Variants in PCDH9 observed in about 807,000 individuals in gnomAD.
PCDH9 encodes protocadherin 9, also known as protocadherin-9.
In PCDH9, 24 loss-of-function variants were observed where a neutral mutation model predicts 70.6. The ratio of observed to expected loss-of-function variants is 0.34; its 90% CI spans 0.25 to 0.48. PCDH9 has a LOEUF of 0.48. PCDH9 is among the 20% of genes least tolerant of loss of function. The pLI, the probability that PCDH9 is intolerant of heterozygous loss-of-function variation, is 0.99. For missense variants in PCDH9, 1,281 were observed against 1,503.6 expected, an observed-to-expected ratio of 0.85 and a Z score of 2.45; for synonymous variants, 562 against 558.5, an observed-to-expected ratio of 1.01 and a Z score of -0.09.
intron 4 of PCDH9, among the ~76,000 whole-genome samples, chr13:66,592,029 C>A (rs576042408): frequency 5.3e-5 from 8 of 151,602 alleles, no homozygotes; most frequent in Non-Finnish European, 1.2e-4. Context: ...TTCTACATCA[C>A]CCAGAGAGAC....
intron 2 of PCDH9, among the ~76,000 whole-genome samples, chr13:67,036,915 C>T (rs1381835342): frequency 2.0e-5 from 3 of 152,168 alleles, no homozygotes; most frequent in Non-Finnish European, 2.9e-5. Context: ...CCGGAGAAAG[C>T]GCCATTATCA....
At chr13:67,133,654 T>C (rs1050161834) in intron 2 of PCDH9, among the ~76,000 whole-genome samples, 3 of 152,084 alleles carry the variant, frequency 2.0e-5, no homozygotes, top group Non-Finnish European at 2.9e-5. Context: ...AAGAGGAGAA[T>C]TGGAACAAAC....
intron 3 of PCDH9, among the ~76,000 whole-genome samples, chr13:66,804,063 T>A (rs145676911): frequency 7.1e-4 from 108 of 152,298 alleles, no homozygotes; most frequent in African/African-American, 2.5e-3. Flanking sequence ...CTGGTTAAAA[T>A]CAATAAAATC....
chr13:66,520,608 T>A (rs1959946743), intron 4 of PCDH9, among the ~76,000 whole-genome samples: 1 of 152,206 alleles, frequency 6.6e-6, no homozygotes, highest in African/African-American at 2.4e-5. Context: ...ATTTAGCTGA[T>A]CCTTTCCAAT....
chr13:66,645,961 CT>C (rs1428038645), intron 3 of PCDH9, among the ~76,000 whole-genome samples: 1 of 152,168 alleles, frequency 6.6e-6, no homozygotes, highest in Non-Finnish European at 1.5e-5. Context: ...GGCCACTTGG[CT>C]TACACTGGGA....
intron 3 of PCDH9, among the ~76,000 whole-genome samples, chr13:66,738,183 C>G (rs2079188374): frequency 6.6e-6 from 1 of 152,114 alleles, no homozygotes; most frequent in East Asian, 2.0e-4. Flanking sequence ...GGTCCCTGAC[C>G]CCTGACCCCC....
intron 4 of PCDH9, among the ~76,000 whole-genome samples, chr13:66,519,588 T>C (rs1221822400): frequency 6.6e-6 from 1 of 152,138 alleles, no homozygotes; most frequent in Admixed American, 6.6e-5. Context: ...TAAGATTTTA[T>C]GAGTCTATGA....
chr13:66,779,872 T>TAC (rs1594050925), intron 3 of PCDH9, among the ~76,000 whole-genome samples: 1 of 66,538 alleles, frequency 1.5e-5, no homozygotes, highest in Admixed American at 2.1e-4. Context: ...TATATACATA[T>TAC]ATGTGTGTGT....
intron 3 of PCDH9, among the ~76,000 whole-genome samples, chr13:66,782,491 A>T (rs2080015118): frequency 6.6e-6 from 1 of 152,114 alleles, no homozygotes; most frequent in Admixed American, 6.6e-5. Context: ...GTCTAAACTG[A>T]GATATGTGCT....
intron 3 of PCDH9, among the ~76,000 whole-genome samples, chr13:66,871,250 A>G (rs1380481202): frequency 7.4e-6 from 1 of 134,414 alleles, no homozygotes; most frequent in Admixed American, 7.5e-5. Context: ...GGGTGGGGGG[A>G]TGGGGGAGGG....
intron 2 of PCDH9, among the ~76,000 whole-genome samples, chr13:67,178,764 G>A (rs1291534253): frequency 6.6e-6 from 1 of 152,002 alleles, no homozygotes; most frequent in African/African-American, 2.4e-5. Context: ...GTTAATGCTA[G>A]GAAACATTTG....
chr13:67,169,218 T>C (rs2088209399), intron 2 of PCDH9, among the ~76,000 whole-genome samples: 1 of 152,184 alleles, frequency 6.6e-6, no homozygotes, highest in African/African-American at 2.4e-5. Context: ...AGAGTGCAAA[T>C]ATGAAGCCAG....
Position 66,305,008 on chromosome 13 carries a change from C to G in PCDH9, c.3361G>C (p.Gly1121Arg), listed in dbSNP as rs753950672. The change falls in exon 5 of 5, where the codon GGA becomes CGA. Residue 1121 changes from glycine (G) to arginine (R), a missense_variant. Physicochemically the swap from Gly to Arg is moderately radical, Grantham distance 125. Coordinates refer to ENST00000377865, the MANE Select transcript of PCDH9 (RefSeq NM_203487.3). ...CACATCTCTGTAGCTTCAGCTAATC[C>G]TCGGGGACCCAAAGGCCCATCTGCA... ...PNSDGPLGPR[G>R]LAEATEMCTQ... 27 of 1,610,968 alleles carry G rather than the reference C, an allele frequency of 1.7e-5. No individual in the cohort carries two copies. The highest frequency in any genetic ancestry group is 2.0e-5 in the Non-Finnish European group (23 of 1,178,010).
chr13:66,550,636 T>C (rs938145365), intron 4 of PCDH9, among the ~76,000 whole-genome samples: 2 of 152,150 alleles, frequency 1.3e-5, no homozygotes, highest in Non-Finnish European at 2.9e-5. Flanking sequence ...GTGTCCTTGA[T>C]AGCACAGAGC....
chr13:66,791,753 T>C (rs1477879267), intron 3 of PCDH9, among the ~76,000 whole-genome samples: 1 of 152,182 alleles, frequency 6.6e-6, no homozygotes, highest in African/African-American at 2.4e-5. Context: ...TACTTTTGGA[T>C]TAATCTAATA....
At chr13:66,742,010 A>G (rs2079272531) in intron 3 of PCDH9, among the ~76,000 whole-genome samples, 1 of 136,526 alleles carries the variant, frequency 7.3e-6, no homozygotes, top group Admixed American at 7.6e-5. Context: ...TTCATATGGA[A>G]CCAAAAAAGA....
chr13:66,777,021 C>A (rs1018686729), intron 3 of PCDH9, among the ~76,000 whole-genome samples: 2 of 151,648 alleles, frequency 1.3e-5, no homozygotes, highest in South Asian at 2.1e-4. Flanking sequence ...GAAAAACAAG[C>A]AATGGGGAAA....
rs188074685 is a variant in PCDH9, at chr13:66,589,310, T to G, written c.3340+41900A>C. ...AGATAGAAGGAATTAATACTAGTGT[T>G]TGATACCACCTTACGATGACTATAG... On this transcript the variant is annotated intron_variant, in intron 4 of 4. Coordinates refer to ENST00000377865, the MANE Select transcript of PCDH9 (RefSeq NM_203487.3). Among the ~76,000 whole-genome samples, 564 of 152,190 alleles carry G rather than the reference T, an allele frequency of 3.7e-3. 3 individuals are homozygous for G. The highest frequency in any genetic ancestry group is 0.013 in the African/African-American group (547 of 41,540).
chr13:66,943,701 A>AT (rs1327947494), intron 2 of PCDH9, among the ~76,000 whole-genome samples: 1 of 152,044 alleles, frequency 6.6e-6, no homozygotes, highest in East Asian at 1.9e-4. Context: ...TATGCTTTGC[A>AT]TTAAAAAAAA....
Sources: gnomAD v4.1 joint callset for allele counts (sites outside exome capture counted in the v4.1 genomes callset) on GRCh38, gnomAD v4.1.1 for gene constraint, MANE v1.5 for transcripts, NCBI Gene and HGNC (gene_info 2026-07-23, HGNC 2026-07-21) for gene names.